NBPF11: variants seen among roughly 807,000 people sequenced by gnomAD.
NBPF11 encodes NBPF family member NBPF11.
NBPF11 carries 72 observed loss-of-function variants against 93.9 expected under a neutral mutation model. The observed-to-expected ratio is 0.77, with a 90% CI of 0.63 to 0.93. The LOEUF (loss-of-function observed/expected upper bound fraction) is 0.93. Ranked by LOEUF, NBPF11 falls within the 40% of genes least tolerant of loss-of-function variation. The pLI is 0.00. For missense variants in NBPF11, 705 were observed against 802.2 expected (o/e 0.88, Z 1.46); for synonymous variants, 224 against 304.9 (o/e 0.73, Z 2.76).
chr1:148,146,916 C>G, intron 1 of NBPF11: 1 of 1,611,258 alleles, frequency 6.2e-7, no homozygotes, highest in Non-Finnish European at 8.5e-7. Flanking sequence ...AGGCCCTGCG[C>G]ACCAGGTGAG....
chr1:148,141,575 A>T (rs1199429512), intron 2 of NBPF11, among the ~76,000 whole-genome samples: 3 of 152,086 alleles, frequency 2.0e-5, no homozygotes, highest in Middle Eastern at 6.8e-3. Flanking sequence ...ACCAACCTGG[A>T]GTCAGAGCAG....
Position 148,105,472 on chromosome 1 carries a change from T to A in NBPF11, c.2360A>T (p.Asp787Val). 1.8e-6 allele frequency: 2 copies of A among 1,120,714 alleles called. No homozygotes were observed. Among genetic ancestry groups the A allele is most frequent in the Non-Finnish European group, 1.3e-6 (1 of 774,492 alleles). 69.4% of individuals were successfully genotyped at this position (1,120,714 alleles called of 1,614,324 possible). ...GACAACTGGAAGGAGTTGAATAACA[T>A]CCAGTGAGTCCTGCAAGACTTCAGG... is the stretch of plus-strand genomic sequence containing the variant. Reference protein sequence around the residue: ...VEPEVLQDSLDVIQLLPVVLN... With the variant: ...VEPEVLQDSLVVIQLLPVVLN... The change falls in exon 22 of 24, where the codon GAT (aspartate) becomes GTT (valine). Residue 787 changes from aspartate to valine, a missense_variant. This residue lies in a region of NBPF11 where 109 missense variants were observed against 83.3 expected (regional missense o/e 1.31). Coordinates refer to ENST00000682118, the MANE Select transcript of NBPF11 (RefSeq NM_001385469.3).
chr1:148,111,050 T>A lies in NBPF11; in HGVS notation c.1638-509A>T, dbSNP rs28670342. Among the ~76,000 whole-genome samples the A allele has an allele frequency of 2.0e-5, 3 of 147,762 alleles. 1 individual carries two copies. Among genetic ancestry groups the A allele is most frequent in the East Asian group, 2.0e-4 (1 of 4,976 alleles). On this transcript the variant is annotated intron_variant, in intron 15 of 23. Coordinates refer to ENST00000682118, the MANE Select transcript of NBPF11 (RefSeq NM_001385469.3). ...CAAATGGGAAGAAAGCATATATACA[T>A]CTCTCCCTGGATTTAAACACATGGG...
rs1487887244 is a variant in NBPF11, at chr1:148,152,119, G to C, written c.-918C>G. ...AGTAATGGAGGACAGAGCGCAGCGG[G>C]GACGGGAAAATCCCTCTCTCCCCTC... On this transcript the variant is annotated 5_prime_UTR_variant, in exon 1 of 24. Transcript: ENST00000682118. 2 of 152,272 alleles carry C rather than the reference G, an allele frequency of 1.3e-5. No homozygotes were observed. Among genetic ancestry groups the C allele is most frequent in the South Asian group, 4.1e-4 (2 of 4,832 alleles). The allele number at this position is 152,272 out of a possible 1,614,324, so 9.4% of individuals were successfully genotyped here.
At chr1:148,112,646 T>C (rs1665565361) in intron 15 of NBPF11, among the ~76,000 whole-genome samples, 1 of 143,640 alleles carries the variant, frequency 7.0e-6, no homozygotes, top group African/African-American at 2.6e-5. Flanking sequence ...CAGCATGATT[T>C]ATAATCCTTT....
rs1666015289 is a variant in NBPF11 at position 148,114,491 on chromosome 1, G to A, written c.1586-3C>T. On this transcript the variant is annotated splice_polypyrimidine_tract_variant and splice_region_variant and intron_variant, in intron 14 of 23. Transcript: ENST00000682118. ...TTCCTCATCATCACTTTCATTTTCTGTAAATAAATTCAGAGAAGCAGGTCA... is the reference window on the plus strand; with the variant it reads ...TTCCTCATCATCACTTTCATTTTCTATAAATAAATTCAGAGAAGCAGGTCA... 3.4e-6 allele frequency: 2 copies of A among 587,708 alleles called. No homozygotes were observed. The highest frequency in any genetic ancestry group is 5.9e-6 in the Non-Finnish European group (2 of 337,726). 36.4% of individuals were successfully genotyped at this position (587,708 alleles called of 1,614,324 possible).
chr1:148,120,907 A>C (rs80064337), intron 9 of NBPF11, among the ~76,000 whole-genome samples, 197 bp from the exon 10 acceptor site: 1 of 152,022 alleles, frequency 6.6e-6, no homozygotes, highest in African/African-American at 2.4e-5. Flanking sequence ...CTTGAAACCA[A>C]GACATAAACA....
chr1:148,124,192 T>G (rs1668542026), intron 6 of NBPF11, 125 bp from the exon 7 acceptor site: 3 of 713,218 alleles, frequency 4.2e-6, no homozygotes, highest in African/African-American at 3.6e-5. Context: ...CAGCACATGT[T>G]GAAAGGAATG....
At chr1:148,141,843 T>C (rs1403744256) in intron 2 of NBPF11, among the ~76,000 whole-genome samples, 1 of 151,832 alleles carries the variant, frequency 6.6e-6, no homozygotes. Flanking sequence ...ATGAGCTCCC[T>C]GCCCACAAGA....
At chr1:148,142,228 C>T (rs1313153900) in intron 2 of NBPF11, among the ~76,000 whole-genome samples, 1 of 151,822 alleles carries the variant, frequency 6.6e-6, no homozygotes, top group Non-Finnish European at 1.5e-5. Context: ...TCCAGGGGAA[C>T]TTACACCACC....
Position 148,102,496 on chromosome 1 carries a change from T to C in NBPF11, c.*1400A>G, listed in dbSNP as rs1467112249. The C allele has an allele frequency of 2.0e-5, 3 of 151,808 alleles. No individual in the cohort carries two copies. Among genetic ancestry groups the C allele is most frequent in the East Asian group, 1.9e-4 (1 of 5,188 alleles). 9.4% of individuals were successfully genotyped at this position (151,808 alleles called of 1,614,324 possible). A position where few individuals can be genotyped will look rare whatever the true frequency, so the allele number is the denominator to read the frequency against. ...AACCAAGTAACCAGTCCTGATATCA[T>C]AATGGTGTTGGACAAACTAGACCTT... On this transcript the variant is annotated 3_prime_UTR_variant, in exon 24 of 24. Coordinates refer to ENST00000682118, the MANE Select transcript of NBPF11 (RefSeq NM_001385469.3).
chr1:148,128,985 A>AC (rs1669713557), intron 4 of NBPF11, among the ~76,000 whole-genome samples: 1 of 148,202 alleles, frequency 6.7e-6, no homozygotes, highest in South Asian at 2.1e-4. Flanking sequence ...AACATCACAC[A>AC]CCAGGGCCTG....
intron 17 of NBPF11, 25 bp downstream of exon 17, chr1:148,109,259 A>G: frequency 1.2e-6 from 1 of 810,560 alleles, no homozygotes; most frequent in Non-Finnish European, 2.2e-6. Flanking sequence ...CATCAAATTA[A>G]CTGTCCACAA....
At chr1:148,118,158 G>T (rs1667002078) in intron 11 of NBPF11, among the ~76,000 whole-genome samples, 1 of 145,064 alleles carries the variant, frequency 6.9e-6, no homozygotes. Context: ...GCCATGTACA[G>T]AAATGAGGCC....
intron 4 of NBPF11, chr1:148,129,419 A>T (rs1571468308): frequency 6.6e-6 from 1 of 150,714 alleles, no homozygotes; most frequent in Admixed American, 6.6e-5. Flanking sequence ...CGCCTCCCCC[A>T]CCCGCCAGCC....
chr1:148,141,020 A>C (rs1440925131), intron 2 of NBPF11, among the ~76,000 whole-genome samples: 1 of 152,084 alleles, frequency 6.6e-6, no homozygotes, highest in Non-Finnish European at 1.5e-5. Flanking sequence ...GGAGGAACTT[A>C]AACTACATAA....
At chr1:148,150,462 T>A (rs1430787997) in intron 1 of NBPF11, among the ~76,000 whole-genome samples, 8 of 151,386 alleles carry the variant, frequency 5.3e-5, no homozygotes, top group African/African-American at 2.0e-4. Context: ...TTTCGAAGAT[T>A]TCTTTGACAC....
intron 1 of NBPF11, among the ~76,000 whole-genome samples, chr1:148,148,006 C>T (rs71337052): frequency 2.0e-5 from 3 of 152,072 alleles, no homozygotes; most frequent in Admixed American, 1.3e-4. Context: ...GGATGTGTCC[C>T]GTTCGTTTGA....
At chr1:148,139,322 A>C (rs1192688954) in intron 2 of NBPF11, among the ~76,000 whole-genome samples, 1 of 144,528 alleles carries the variant, frequency 6.9e-6, no homozygotes, top group South Asian at 2.2e-4. Context: ...CCTAGAATGC[A>C]ATCTCTTCTC....
Sources: gnomAD v4.1 joint callset for allele counts (sites outside exome capture counted in the v4.1 genomes callset) on GRCh38, gnomAD v4.1.1 for gene constraint, gnomAD v4.1.1 regional missense constraint, MANE v1.5 for transcripts, NCBI Gene and HGNC (gene_info 2026-07-23, HGNC 2026-07-21) for gene names.